FMR1: variants seen among roughly 807,000 people sequenced by gnomAD.
FMR1 encodes the protein FMRP translational regulator 1.
A neutral mutation model predicts 50.6 loss-of-function variants in FMR1; 13 were observed. The observed-to-expected ratio is 0.26, with a 90% CI of 0.17 to 0.41. FMR1 has a LOEUF of 0.41. Among genes scored for constraint, FMR1 ranks in the 10% least tolerant of loss-of-function variants. The pLI, the probability that FMR1 is intolerant of heterozygous loss-of-function variation, is 1.00. For synonymous variants in FMR1, 138 were observed against 164.1 expected (o/e 0.84, Z 1.22); for missense variants, 316 against 491.3 (o/e 0.64, Z 3.37).
intron 9 of FMR1, among the ~76,000 whole-genome samples, chrX:147,934,892 T>C: frequency 8.9e-6 from 1 of 111,888 alleles, no homozygotes; most frequent in Non-Finnish European, 1.9e-5. Flanking sequence ...TTGTGATCTC[T>C]ATTTTTCACA....
At chrX:147,913,655 A>C (rs1287648226) in intron 1 of FMR1, 1 of 112,344 alleles carries the variant, frequency 8.9e-6, no homozygotes, top group Non-Finnish European at 1.9e-5. Flanking sequence ...TACTTTGAGC[A>C]CAAAGATAAA....
In FMR1 at chrX:147,949,242, G is replaced by A. The variant is rs1557182871; in HGVS notation, c.*398G>A. On this transcript the variant is annotated 3_prime_UTR_variant, in exon 17 of 17. Transcript: ENST00000370475. ...ATATTAGACTTCTGTTTTCAATCTC[G>A]TATAGAAGTCTTCATGAAATGCTAT... The A allele has an allele frequency of 3.0e-6, 1 of 332,545 alleles. No homozygotes were observed. The highest frequency in any genetic ancestry group is 5.8e-6 in the Non-Finnish European group (1 of 172,841). 27.4% of individuals were successfully genotyped at this position (332,545 alleles called of 1,213,427 possible).
intron 1 of FMR1, among the ~76,000 whole-genome samples, chrX:147,919,094 T>G (rs987606865): frequency 1.8e-5 from 2 of 111,884 alleles, no homozygotes; most frequent in Non-Finnish European, 3.8e-5. Flanking sequence ...TGCCAAGATG[T>G]ATAAACATTA....
At position 147,928,640 on chromosome X, in the gene FMR1, A is replaced by G. The variant is rs29279; in HGVS notation, c.271-19A>G. On this transcript the variant is annotated intron_variant, in intron 4 of 16. Coordinates refer to ENST00000370475, the MANE Select transcript of FMR1 (RefSeq NM_002024.6). The stretch of plus-strand genomic sequence containing the variant: ...ACTTTAAAAATTGTGATTAGAAGTG[A>G]CTTTTATTTATTTCTCAGTTTTATG... The G allele has an allele frequency of 5.0e-3, 5,905 of 1,175,871 alleles. 189 individuals are homozygous for G. In the African/African-American group the frequency reaches 0.089, roughly 18 times the overall value.
chrX:147,918,555 C>CTTTTGTTTTTTTTTTTTT (rs2042992368), intron 1 of FMR1, among the ~76,000 whole-genome samples: 1 of 47,277 alleles, frequency 2.1e-5, no homozygotes, highest in Non-Finnish European at 3.2e-5. Flanking sequence ...CCTGCAAAAG[C>CTTTTGTTTTTTTTTTTTT]TTTTTTTTTT....
At chrX:147,921,460 CGT>C (rs1491315353) in intron 1 of FMR1, among the ~76,000 whole-genome samples, 1 of 107,279 alleles carries the variant, frequency 9.3e-6, no homozygotes, top group African/African-American at 3.4e-5. Context: ...TTTGTGTGTG[CGT>C]ATATATATAT....
intron 10 of FMR1, among the ~76,000 whole-genome samples, 174 bp from the exon 11 acceptor site, chrX:147,937,292 A>G (rs934330049): frequency 8.9e-6 from 1 of 112,012 alleles, no homozygotes; most frequent in African/African-American, 3.2e-5. Flanking sequence ...TCTTTTAGCT[A>G]AAGTTAAATC....
intron 12 of FMR1, among the ~76,000 whole-genome samples, chrX:147,938,863 C>T (rs1374317987): frequency 9.0e-6 from 1 of 111,535 alleles, no homozygotes; most frequent in African/African-American, 3.3e-5. Context: ...TTCTGGGGTC[C>T]GTACTAAAGG....
At position 147,921,977 on chromosome X, in the gene FMR1, T is replaced by C. The variant is rs1429282550; in HGVS notation, c.96T>C (p.Phe32=). The C allele has an allele frequency of 1.8e-6, 2 of 1,095,263 alleles. No homozygotes were observed. The highest frequency in any genetic ancestry group is 2.5e-6 in the Non-Finnish European group (2 of 791,375). 90.3% of individuals were successfully genotyped at this position (1,095,263 alleles called of 1,213,427 possible). A position where few individuals can be genotyped will look rare whatever the true frequency, so the allele number is the denominator to read the frequency against. The part of the protein sequence containing the change: ...DVHEDSITVA[F]ENNWQPDRQI... ...ATGAAGATTCAATAACAGTTGCATT[T>C]GAAAACAAGTAAGTGTCTCGTTATA... Residue 32 remains phenylalanine, a synonymous_variant, in exon 2 of 17, where the codon TTT becomes TTC. Coordinates refer to ENST00000370475, the MANE Select transcript of FMR1 (RefSeq NM_002024.6).
At chrX:147,936,452 C>T in intron 9 of FMR1, 52 bp from the exon 10 acceptor site, 1 of 756,175 alleles carries the variant, frequency 1.3e-6, no homozygotes, top group Non-Finnish European at 2.1e-6. Flanking sequence ...GCTGTGCTTA[C>T]TGCTTTGAGG....
chrX:147,942,789 C>T (rs2044051948), intron 13 of FMR1, among the ~76,000 whole-genome samples: 1 of 112,044 alleles, frequency 8.9e-6, no homozygotes. Context: ...ATTTAATATC[C>T]TATCATGAAG....
At chrX:147,928,499 G>T (rs2043469050) in intron 4 of FMR1, 106 bp downstream of exon 4, 2 of 770,961 alleles carry the variant, frequency 2.6e-6, no homozygotes, top group Non-Finnish European at 3.9e-6. Context: ...ATCTAATTTT[G>T]AGTAATTTAA....
Position 147,932,566 on chromosome X carries a change from G to A in FMR1, c.772G>A (p.Asp258Asn). 1 of 1,210,003 alleles carries A rather than the reference G, an allele frequency of 8.3e-7. No individual in the cohort carries two copies. The highest frequency in any genetic ancestry group is 1.1e-6 in the Non-Finnish European group (1 of 893,967). ...PGVTAIDLDEDTCTFHIYGED... is the reference protein window; with the variant it reads ...PGVTAIDLDENTCTFHIYGED... ...GGTCACTGCTATTGATCTAGATGAA[G>A]ATACCTGCACATTTCATATTTATGG... is the stretch of plus-strand genomic sequence containing the variant. Residue 258 changes from aspartate (D) to asparagine (N), a missense_variant, in exon 8 of 17, where the codon GAT (aspartate) becomes AAT (asparagine). By Grantham distance (23) the Asp-to-Asn change is conservative. Coordinates refer to ENST00000370475, the MANE Select transcript of FMR1 (RefSeq NM_002024.6).
chrX:147,948,655 T>C, intron 16 of FMR1, 28 bp from the exon 17 acceptor site: 4 of 1,211,720 alleles, frequency 3.3e-6, no homozygotes, highest in Non-Finnish European at 4.5e-6. Context: ...ATATGGTCTG[T>C]GTATATAACA....
chrX:147,912,275 C>T (rs1204081983), intron 1 of FMR1, 45 bp downstream of exon 1: 2 of 1,117,661 alleles, frequency 1.8e-6, no homozygotes, highest in African/African-American at 3.7e-5. Context: ...TTCCTTCCCT[C>T]CCTTTTCTTC....
intron 3 of FMR1, 60 bp downstream of exon 3, chrX:147,925,693 GT>G (rs781810881): frequency 3.0e-4 from 220 of 735,384 alleles, no homozygotes; most frequent in African/African-American, 2.4e-3. Context: ...ATTTATCTGT[GT>G]TTTTTTTTAA....
intron 5 of FMR1, 78 bp downstream of exon 5, chrX:147,928,885 A>T (rs2043484001): frequency 1.9e-6 from 2 of 1,059,665 alleles, no homozygotes; most frequent in Admixed American, 2.3e-5. Flanking sequence ...GTAGTTTAAA[A>T]TTTTTTAAAC....
Position 147,937,560 on chromosome X carries a change from G to C in FMR1, c.1085G>C (p.Ser362Thr). The C allele has an allele frequency of 8.7e-7, 1 of 1,145,011 alleles. No homozygotes were observed. Among genetic ancestry groups the C allele is most frequent in the Middle Eastern group, 2.4e-4 (1 of 4,187 alleles). 94.4% of individuals were successfully genotyped at this position (1,145,011 alleles called of 1,213,427 possible). The change falls in exon 11 of 17, where the codon AGC becomes ACC. Residue 362 changes from serine to threonine, a missense_variant. This residue lies in a region of FMR1 where 53 missense variants were observed against 51.5 expected (regional missense o/e 1.03). Transcript: ENST00000370475. ...AAACATTTAGATATAAAGGAAAACA[G>C]CACCCATTTTTCTCAACCTAACAGT... is the stretch of plus-strand genomic sequence containing the variant. Reference protein sequence around the residue: ...EKKHLDIKENSTHFSQPNSTK... With the variant: ...EKKHLDIKENTTHFSQPNSTK...
chrX:147,914,210 A>G (rs2042737136), intron 1 of FMR1: 1 of 112,624 alleles, frequency 8.9e-6, no homozygotes, highest in African/African-American at 3.2e-5. Flanking sequence ...AGAAATGTTA[A>G]TACTTGAACA....
Sources: gnomAD v4.1 joint callset for allele counts (sites outside exome capture counted in the v4.1 genomes callset) on GRCh38, gnomAD v4.1.1 for gene constraint, gnomAD v4.1.1 regional missense constraint, MANE v1.5 for transcripts, NCBI Gene and HGNC (gene_info 2026-07-23, HGNC 2026-07-21) for gene names.